GPC3: variants seen among roughly 807,000 people sequenced by gnomAD.
The protein encoded by GPC3 is glypican-3.
GPC3 carries 3 observed loss-of-function variants against 34.4 expected under a neutral mutation model. The ratio of observed to expected loss-of-function variants is 0.09; its 90% CI spans 0.04 to 0.23. The LOEUF (loss-of-function observed/expected upper bound fraction) is 0.23, where lower values mean the gene tolerates loss of function less well. Ranked by LOEUF, GPC3 falls within the 10% of genes least tolerant of loss-of-function variation. The pLI, the probability that GPC3 is intolerant of heterozygous loss-of-function variation, is 1.00. For synonymous variants in GPC3, 177 were observed against 174.0 expected (o/e 1.02, Z -0.13); for missense variants, 351 against 445.6 (o/e 0.79, Z 1.91).
chrX:133,982,396 T>C (rs2076544720), intron 1 of GPC3, among the ~76,000 whole-genome samples: 1 of 111,847 alleles, frequency 8.9e-6, no homozygotes, highest in East Asian at 2.8e-4. Flanking sequence ...AAGAGATCTA[T>C]GGATTTTGGG....
chrX:133,898,947 G>A (rs1442060609), intron 2 of GPC3, among the ~76,000 whole-genome samples: 2 of 111,977 alleles, frequency 1.8e-5, no homozygotes, highest in Admixed American at 9.5e-5. Context: ...AGCAGTTACT[G>A]TCTATAAGCA....
intron 2 of GPC3, among the ~76,000 whole-genome samples, chrX:133,855,409 G>A (rs2132716): frequency 0.27 from 29,553 of 108,255 alleles, 3,685 homozygotes; most frequent in African/African-American, 0.42. Context: ...CAAGCGATCC[G>A]CCCACCTCAG....
chrX:133,600,159 C>G (rs1045713462), intron 6 of GPC3, among the ~76,000 whole-genome samples: 7 of 111,889 alleles, frequency 6.3e-5, no homozygotes, highest in Admixed American at 4.8e-4. Flanking sequence ...GTGTCTAGCA[C>G]ATAGTAGGCA....
Position 133,973,131 on chromosome X carries a change from C to A in GPC3, c.175+12144G>T, listed in dbSNP as rs147140928. On this transcript the variant is annotated intron_variant, in intron 1 of 7. Coordinates refer to ENST00000370818, the MANE Select transcript of GPC3 (RefSeq NM_004484.4). The stretch of plus-strand genomic sequence containing the variant: ...AGACTGAAGCGAGTAGGAAGGGAAC[C>A]CAGAGTACACAGTGTCACAGAAGTT... Among the ~76,000 whole-genome samples the A allele has an allele frequency of 1.2e-3, 130 of 110,954 alleles. 2 individuals carry two copies. In the East Asian group the frequency reaches 0.03, roughly 26 times the overall value.
At chrX:133,985,166 G>T in intron 1 of GPC3, 109 bp downstream of exon 1, 1 of 871,145 alleles carries the variant, frequency 1.1e-6, no homozygotes, top group Non-Finnish European at 1.7e-6. Context: ...GTGCCCAGCT[G>T]CAGGGCGCAC....
chrX:133,869,811 C>T (rs184816855), intron 2 of GPC3, among the ~76,000 whole-genome samples: 28 of 111,185 alleles, frequency 2.5e-4, no homozygotes, highest in Non-Finnish European at 1.1e-4. Context: ...AAAAATTAGC[C>T]GGGCGCGGTG....
At chrX:133,573,171 T>C (rs1301010443) in intron 7 of GPC3, among the ~76,000 whole-genome samples, 2 of 111,786 alleles carry the variant, frequency 1.8e-5, no homozygotes, top group Non-Finnish European at 3.8e-5. Flanking sequence ...ATGATTATCT[T>C]GATAGAAATA....
intron 7 of GPC3, among the ~76,000 whole-genome samples, chrX:133,562,767 C>T (rs987055073): frequency 9.0e-6 from 1 of 111,289 alleles, no homozygotes; most frequent in Non-Finnish European, 1.9e-5. Context: ...AGTCTGTTTC[C>T]ACAGGAGTCA....
In GPC3 at chrX:133,965,769, T is replaced by C. The variant is rs150462677; in HGVS notation, c.176-12558A>G. 1.3e-3 allele frequency among the ~76,000 whole-genome samples: 146 copies of C among 112,140 alleles called. 3 individuals carry two copies. In the East Asian group the frequency reaches 0.03, roughly 23 times the overall value. On this transcript the variant is annotated intron_variant, in intron 1 of 7. Transcript: ENST00000370818. ...TCTAAATGTTTCATCATTGGTGAGT[T>C]ACTACTTTGGTTAAGCCATTTCATC... is the stretch of plus-strand genomic sequence containing the variant.
intron 1 of GPC3, among the ~76,000 whole-genome samples, chrX:133,956,912 C>T (rs547840473): frequency 6.3e-5 from 7 of 111,649 alleles, no homozygotes; most frequent in Admixed American, 1.9e-4. Flanking sequence ...GTTTGATTTG[C>T]CTTTGATATG....
intron 6 of GPC3, among the ~76,000 whole-genome samples, chrX:133,655,683 G>A (rs1182723509): frequency 1.4e-4 from 16 of 111,602 alleles, no homozygotes; most frequent in Non-Finnish European, 2.8e-4. Flanking sequence ...AGAAATTTTA[G>A]CTCAATATTG....
At chrX:133,538,333 G>C (rs900877299) in intron 7 of GPC3, among the ~76,000 whole-genome samples, 1 of 111,922 alleles carries the variant, frequency 8.9e-6, no homozygotes, top group Non-Finnish European at 1.9e-5. Flanking sequence ...CATATGGCTA[G>C]ATCTGTTGAA....
At chrX:133,774,218 A>G (rs948521147) in intron 2 of GPC3, among the ~76,000 whole-genome samples, 4 of 111,948 alleles carry the variant, frequency 3.6e-5, no homozygotes, top group African/African-American at 1.3e-4. Flanking sequence ...ATTCACTTCA[A>G]CCAAGCTCAC....
chrX:133,928,693 T>C (rs2076285407), intron 2 of GPC3, among the ~76,000 whole-genome samples: 1 of 112,155 alleles, frequency 8.9e-6, no homozygotes, highest in African/African-American at 3.2e-5. Flanking sequence ...TAGTGATGTT[T>C]AGCATTTTTT....
chrX:133,594,746 G>C (rs1328561827), intron 7 of GPC3, among the ~76,000 whole-genome samples: 1 of 111,186 alleles, frequency 9.0e-6, no homozygotes, highest in Non-Finnish European at 1.9e-5. Flanking sequence ...AATGGACATA[G>C]AGTTTTAGGC....
intron 2 of GPC3, among the ~76,000 whole-genome samples, chrX:133,868,346 C>G (rs2075978172): frequency 8.9e-6 from 1 of 112,000 alleles, no homozygotes; most frequent in Admixed American, 9.4e-5. Flanking sequence ...TGAGGGGGAT[C>G]AGGGAACTCT....
At chrX:133,722,230 T>G (rs991941002) in intron 3 of GPC3, among the ~76,000 whole-genome samples, 1 of 111,901 alleles carries the variant, frequency 8.9e-6, no homozygotes, top group Non-Finnish European at 1.9e-5. Flanking sequence ...CTATTTATCA[T>G]ATACAATTAA....
At chrX:133,776,941 G>A (rs1050491674) in intron 2 of GPC3, among the ~76,000 whole-genome samples, 18 of 99,466 alleles carry the variant, frequency 1.8e-4, no homozygotes, top group African/African-American at 3.3e-4. Context: ...GTGCAGTGGC[G>A]CGATCTCAGC....
chrX:133,827,052 T>C lies in GPC3; in HGVS notation c.338-72876A>G, dbSNP rs140727322. ...AGATAGAGGTGGTGGTTGAACAACA[T>C]TGTGAATGAACTAAATGTCACTGAA... On this transcript the variant is annotated intron_variant, in intron 2 of 7. Coordinates refer to ENST00000370818, the MANE Select transcript of GPC3 (RefSeq NM_004484.4). 3.6e-3 allele frequency among the ~76,000 whole-genome samples: 399 copies of C among 111,665 alleles called. 2 individuals are homozygous for C. Among genetic ancestry groups the C allele is most frequent in the African/African-American group, 0.012 (364 of 30,750 alleles).
Sources: gnomAD v4.1 joint callset for allele counts (sites outside exome capture counted in the v4.1 genomes callset) on GRCh38, gnomAD v4.1.1 for gene constraint, MANE v1.5 for transcripts, NCBI Gene and HGNC (gene_info 2026-07-23, HGNC 2026-07-21) for gene names.